ATP2C2: variants seen among roughly 807,000 people sequenced by gnomAD.
The protein encoded by ATP2C2 is calcium-transporting ATPase type 2C member 2.
Under a neutral mutation model 110.8 loss-of-function variants are expected in ATP2C2, and 171 were observed. The observed-to-expected ratio is 1.54, with a 90% CI of 1.36 to 1.75. ATP2C2 has a LOEUF of 1.75. ATP2C2 is among the 40% of genes most tolerant of loss of function. ATP2C2 has a pLI of 0.00. For missense variants in ATP2C2, 1,963 were observed against 1,235.0 expected (o/e 1.59, Z -8.84); for synonymous variants, 804 against 508.4 (o/e 1.58, Z -7.82).
intron 1 of ATP2C2, among the ~76,000 whole-genome samples, chr16:84,396,011 T>C (rs1904950328): frequency 1.3e-5 from 2 of 152,162 alleles, no homozygotes; most frequent in South Asian, 4.1e-4. Flanking sequence ...TGCTCTCCTT[T>C]CTGTCTCTGT....
intron 1 of ATP2C2, among the ~76,000 whole-genome samples, chr16:84,370,613 C>T (rs1188348296): frequency 2.0e-5 from 3 of 151,952 alleles, no homozygotes; most frequent in African/African-American, 7.3e-5. Flanking sequence ...CTCCTTTCTC[C>T]CAGGGTTTGG....
At chr16:84,442,170 C>T (rs1309042966) in intron 14 of ATP2C2, among the ~76,000 whole-genome samples, 2 of 152,076 alleles carry the variant, frequency 1.3e-5, no homozygotes, top group Non-Finnish European at 2.9e-5. Flanking sequence ...TCAATTTGTT[C>T]ACAAGTTGTG....
intron 11 of ATP2C2, among the ~76,000 whole-genome samples, chr16:84,434,454 G>A (rs1270349115): frequency 6.6e-6 from 1 of 151,860 alleles, no homozygotes; most frequent in Non-Finnish European, 1.5e-5. Flanking sequence ...TTCCCTATAT[G>A]TTAAGTGACA....
At position 84,464,162 on chromosome 16, in the gene ATP2C2, T is replaced by TTA. The variant is rs2150608609; in HGVS notation, c.*430_*431insTA. On this transcript the variant is annotated 3_prime_UTR_variant, in exon 27 of 27. Coordinates refer to ENST00000262429, the MANE Select transcript of ATP2C2 (RefSeq NM_014861.4). ...CATCATAAAATGAGGGACTTTTAAA[T>TTA]AAAGTGCTATGCCGGGGGATAATTA... 6.4e-6 allele frequency: 1 copy of TTA among 156,736 alleles called. No homozygotes were observed. The highest frequency in any genetic ancestry group is 2.4e-5 in the African/African-American group (1 of 41,620). The allele number at this position is 156,736 out of a possible 1,614,324, so 9.7% of individuals were successfully genotyped here. A position where few individuals can be genotyped will look rare whatever the true frequency, so the allele number is the denominator to read the frequency against.
intron 1 of ATP2C2, among the ~76,000 whole-genome samples, chr16:84,373,254 C>G (rs1207769042): frequency 1.3e-5 from 2 of 152,170 alleles, no homozygotes; most frequent in East Asian, 3.8e-4. Context: ...AATCCCAGCA[C>G]TTTGGAAAGC....
chr16:84,402,619 T>C (rs1905406102), intron 2 of ATP2C2, among the ~76,000 whole-genome samples: 1 of 152,232 alleles, frequency 6.6e-6, no homozygotes, highest in Non-Finnish European at 1.5e-5. Flanking sequence ...TGGTGAACCA[T>C]CCTTGCACCC....
chr16:84,438,092 A>G (rs537725755), intron 11 of ATP2C2, among the ~76,000 whole-genome samples: 5 of 152,328 alleles, frequency 3.3e-5, no homozygotes, highest in African/African-American at 1.2e-4. Context: ...ATTCTGCTGT[A>G]TAGATAGACC....
intron 15 of ATP2C2, 128 bp downstream of exon 15, chr16:84,442,727 A>G (rs1234158014): frequency 1.1e-5 from 10 of 912,112 alleles, no homozygotes; most frequent in Non-Finnish European, 1.8e-5. Flanking sequence ...AAAATGGCCC[A>G]CACTGGCCTT....
intron 1 of ATP2C2, among the ~76,000 whole-genome samples, chr16:84,388,954 T>C (rs1358797434): frequency 6.6e-6 from 1 of 152,078 alleles, no homozygotes; most frequent in African/African-American, 2.4e-5. Context: ...GTATTTTTAG[T>C]AGAGATGGGG....
In ATP2C2 at chr16:84,431,500, C is replaced by T. The variant is rs12149426; in HGVS notation, c.986+5699C>T. Among the ~76,000 whole-genome samples, 679 of 150,312 alleles carry T rather than the reference C, an allele frequency of 4.5e-3. 6 individuals carry two copies. Among genetic ancestry groups the T allele is most frequent in the African/African-American group, 0.016 (655 of 40,898 alleles). ...AACAGAGCAAAACTCTGTCTCAAGA[C>T]GAAAAAAAGGGAGGTAGAAGGGGAT... On this transcript the variant is annotated intron_variant, in intron 11 of 26. Coordinates refer to ENST00000262429, the MANE Select transcript of ATP2C2 (RefSeq NM_014861.4).
intron 5 of ATP2C2, 27 bp from the exon 6 acceptor site, chr16:84,410,677 C>A (rs758038303): frequency 1.2e-6 from 2 of 1,613,552 alleles, no homozygotes; most frequent in African/African-American, 2.7e-5. Context: ...CACCTTTAAA[C>A]AGCACATCTG....
rs201923447 is a variant in ATP2C2 at position 84,453,318 on chromosome 16, C to T, written c.1930-3C>T. 358 of 1,614,040 alleles carry T rather than the reference C, an allele frequency of 2.2e-4. No homozygotes were observed. The highest frequency in any genetic ancestry group is 6.6e-4 in the Middle Eastern group (4 of 6,084). ...TCTTCGTCTTCCCCGTCTCCGTGTC[C>T]AGGTGTCCGTGTTCTTCAGGACCAG... On this transcript the variant is annotated splice_region_variant and splice_polypyrimidine_tract_variant and intron_variant, in intron 19 of 26. Coordinates refer to ENST00000262429, the MANE Select transcript of ATP2C2 (RefSeq NM_014861.4).
chr16:84,393,418 C>G (rs1054510001), intron 1 of ATP2C2, among the ~76,000 whole-genome samples: 2 of 152,054 alleles, frequency 1.3e-5, no homozygotes, highest in South Asian at 2.1e-4. Context: ...CGAGACTGGA[C>G]TGAGGCAGAG....
intron 1 of ATP2C2, among the ~76,000 whole-genome samples, chr16:84,387,579 G>A (rs1904390265): frequency 6.6e-6 from 1 of 152,110 alleles, no homozygotes; most frequent in African/African-American, 2.4e-5. Flanking sequence ...AATAAACTGT[G>A]GCATAGCCAT....
chr16:84,411,657 G>A (rs1377882435), intron 6 of ATP2C2, among the ~76,000 whole-genome samples: 3 of 152,132 alleles, frequency 2.0e-5, no homozygotes, highest in Non-Finnish European at 2.9e-5. Flanking sequence ...GGCTAGGCTC[G>A]TCTCGACCTC....
intron 11 of ATP2C2, among the ~76,000 whole-genome samples, chr16:84,435,746 G>A (rs1908678060): frequency 6.6e-6 from 1 of 151,986 alleles, no homozygotes; most frequent in Admixed American, 6.5e-5. Context: ...AGGATTGCTT[G>A]AGTCCAGGAG....
At position 84,422,845 on chromosome 16, in the gene ATP2C2, A is replaced by G. The variant is rs531523544; in HGVS notation, c.843+148A>G. ...TTTTAAACATTTAATTTTTTTTTTT[A>G]ATAGAGACAGGGTTTCGCCATGTTG... On this transcript the variant is annotated intron_variant, in intron 9 of 26. Transcript: ENST00000262429. The G allele has an allele frequency of 8.2e-6, 7 of 850,392 alleles. No homozygotes were observed. In the Admixed American group the frequency reaches 1.7e-4, roughly 20 times the overall value. 52.7% of individuals were successfully genotyped at this position (850,392 alleles called of 1,614,324 possible).
chr16:84,459,707 G>A, intron 23 of ATP2C2: 4 of 912,486 alleles, frequency 4.4e-6, no homozygotes, highest in Non-Finnish European at 6.6e-6. Flanking sequence ...AGTCTTCCCT[G>A]ATTGCACTCC....
chr16:84,383,069 G>A (rs1014225629), intron 1 of ATP2C2, among the ~76,000 whole-genome samples: 14 of 152,166 alleles, frequency 9.2e-5, no homozygotes, highest in Non-Finnish European at 1.6e-4. Flanking sequence ...CCAGCGCTGG[G>A]CCTGCCCTGG....
Sources: gnomAD v4.1 joint callset for allele counts (sites outside exome capture counted in the v4.1 genomes callset) on GRCh38, gnomAD v4.1.1 for gene constraint, MANE v1.5 for transcripts, NCBI Gene and HGNC (gene_info 2026-07-23, HGNC 2026-07-21) for gene names.